The following CCDC171 variants were observed in gnomAD, a reference collection of about 807,000 sequenced individuals.
The protein encoded by CCDC171 is coiled-coil domain-containing protein 171.
In CCDC171, 177 loss-of-function variants were observed where a neutral mutation model predicts 168.2. The ratio of observed to expected loss-of-function variants is 1.05; its 90% CI spans 0.93 to 1.19. The LOEUF (loss-of-function observed/expected upper bound fraction) is 1.19. Among genes scored for constraint, CCDC171 ranks in the 50% most tolerant of loss-of-function variants. The pLI, the probability that CCDC171 is intolerant of heterozygous loss-of-function variation, is 0.00. For missense variants in CCDC171, 1,991 were observed against 1,539.0 expected, an observed-to-expected ratio of 1.29 and a Z score of -4.91; for synonymous variants, 687 against 540.8, an observed-to-expected ratio of 1.27 and a Z score of -3.75.
chr9:15,692,099 G>C (rs2050843015), intron 10 of CCDC171, among the ~76,000 whole-genome samples: 3 of 152,136 alleles, frequency 2.0e-5, no homozygotes, highest in Admixed American at 2.0e-4. Flanking sequence ...TTTTTGGTCA[G>C]GTGTGGTGGC....
At chr9:15,598,834 T>C (rs976940989) in intron 6 of CCDC171, among the ~76,000 whole-genome samples, 1 of 152,194 alleles carries the variant, frequency 6.6e-6, no homozygotes, top group Non-Finnish European at 1.5e-5. Flanking sequence ...TGGGTGCTCC[T>C]GTATTGGGTG....
chr9:15,858,626 C>T (rs2061434713), intron 23 of CCDC171, among the ~76,000 whole-genome samples: 1 of 151,934 alleles, frequency 6.6e-6, no homozygotes, highest in South Asian at 2.1e-4. Context: ...ACAAGTCTTT[C>T]ACCTCTGTTA....
chr9:16,038,660 C>T (rs2133051912), upstream of CCDC171, among the ~76,000 whole-genome samples: 1 of 151,898 alleles, frequency 6.6e-6, no homozygotes, highest in East Asian at 1.9e-4. Flanking sequence ...AAGCAAAGAT[C>T]ATATATAGCA....
intron 23 of CCDC171, among the ~76,000 whole-genome samples, chr9:15,861,153 C>T (rs955019527): frequency 5.3e-5 from 8 of 150,946 alleles, no homozygotes; most frequent in Non-Finnish European, 7.4e-5. Context: ...CAACACTTTA[C>T]TTTCAGTCTA....
chr9:15,871,833 T>C (rs1383542578), intron 23 of CCDC171, among the ~76,000 whole-genome samples: 1 of 151,844 alleles, frequency 6.6e-6, no homozygotes, highest in Non-Finnish European at 1.5e-5. Context: ...TTCTTCTCCT[T>C]TGCTGCATGA....
intron 21 of CCDC171, among the ~76,000 whole-genome samples, chr9:15,793,048 G>GAATACAC (rs1178460945): frequency 6.6e-6 from 1 of 152,142 alleles, no homozygotes; most frequent in Admixed American, 6.5e-5. Flanking sequence ...AAAGAGTGAA[G>GAATACAC]ACCCATCAGT....
intron 11 of CCDC171, among the ~76,000 whole-genome samples, chr9:15,715,997 A>G (rs1283201959): frequency 2.3e-4 from 35 of 152,218 alleles, no homozygotes; most frequent in Admixed American, 2.3e-3. Flanking sequence ...AGTGAGAGGG[A>G]GAGATCGAAA....
chr9:15,960,596 G>C (rs1366868587), intron 25 of CCDC171, among the ~76,000 whole-genome samples: 1 of 152,150 alleles, frequency 6.6e-6, no homozygotes, highest in East Asian at 1.9e-4. Context: ...TCTGGGTTGA[G>C]ACTGCTGGAA....
In CCDC171 at chr9:15,744,689, C is replaced by T. The variant is rs2055144086; in HGVS notation, c.2466C>T (p.Ala822=). The part of the protein sequence containing the change: ...NRLKILGQSC[A]SLFTWMESFK... ...TCAAGATTTTGGGCCAATCATGTGC[C>T]TCTCTTTTTACCTGGATGGAGAGTT... Residue 822 remains alanine (A), a synonymous_variant, in exon 17 of 26, where the codon GCC becomes GCT. Transcript: ENST00000380701. 1 of 1,614,016 alleles carries T rather than the reference C, an allele frequency of 6.2e-7. No homozygotes were observed. Among genetic ancestry groups the T allele is most frequent in the South Asian group, 1.1e-5 (1 of 91,086 alleles).
chr9:15,754,205 C>T (rs2055945865), intron 18 of CCDC171, among the ~76,000 whole-genome samples: 1 of 152,068 alleles, frequency 6.6e-6, no homozygotes, highest in Admixed American at 6.6e-5. Context: ...ATAACCTAAA[C>T]AGGTAAACAT....
At position 15,604,969 on chromosome 9, in the gene CCDC171, G is replaced by A. The variant is rs1248214271; in HGVS notation, c.675+10797G>A. ...GTCTCACTCTGTTGCCCATGTTGGAGTGCAGCGGGACTATCACAGCTCACT... is the reference window on the plus strand; with the variant it reads ...GTCTCACTCTGTTGCCCATGTTGGAATGCAGCGGGACTATCACAGCTCACT... On this transcript the variant is annotated intron_variant, in intron 6 of 25. Coordinates refer to ENST00000380701, the MANE Select transcript of CCDC171 (RefSeq NM_173550.4). Among the ~76,000 whole-genome samples the A allele has an allele frequency of 2.6e-5, 4 of 152,118 alleles. No individual in the cohort carries two copies. In the East Asian group the frequency reaches 5.8e-4, roughly 22 times the overall value.
intron 7 of CCDC171, 62 bp downstream of exon 7, chr9:15,623,475 G>GCACA (rs1554714957): frequency 0.036 from 11,259 of 314,194 alleles, 191 homozygotes; most frequent in Middle Eastern, 0.053. Flanking sequence ...GCGCGCGCGC[G>GCACA]CACACACACA....
rs559714122 is a variant in CCDC171 at position 15,695,312 on chromosome 9, T to C, written c.1293T>C (p.Phe431=). 1.2e-4 allele frequency: 187 copies of C among 1,614,080 alleles called. 6 individuals are homozygous for C. In the South Asian group the frequency reaches 1.9e-3, roughly 16 times the overall value. Reference sequence around the variant, plus strand: ...AATTGGAATCGATCTTGGACAGCTTTACTGTGTCGGGCCAGTGGACATCAG... The same window carrying C: ...AATTGGAATCGATCTTGGACAGCTTCACTGTGTCGGGCCAGTGGACATCAG... ...VKELESILDS[F]TVSGQWTSGI... The change falls in exon 11 of 26, where the codon TTT becomes TTC. Residue 431 remains phenylalanine (F), a synonymous_variant. Transcript: ENST00000380701.
At chr9:15,584,674 G>C (rs1269482089) in intron 4 of CCDC171, among the ~76,000 whole-genome samples, 1 of 152,144 alleles carries the variant, frequency 6.6e-6, no homozygotes, top group Non-Finnish European at 1.5e-5. Flanking sequence ...TAGAAGACAG[G>C]AAGTCAGAGT....
In CCDC171 at chr9:15,666,273, A is replaced by G. The variant is rs762266053; in HGVS notation, c.1026A>G (p.Ala342=). Residue 342 remains alanine, a synonymous_variant, in exon 9 of 26, where the codon GCA becomes GCG. Coordinates refer to ENST00000380701, the MANE Select transcript of CCDC171 (RefSeq NM_173550.4). ...ATGAATTCAAAGAAGTTGAAAGTGC[A>G]TATGAGCGAGAAAAGCATAATGCAC... The part of the protein sequence containing the change: ...IKNEFKEVES[A]YEREKHNAQE... 1.9e-5 allele frequency: 31 copies of G among 1,613,872 alleles called. No homozygotes were observed. The highest frequency in any genetic ancestry group is 2.1e-5 in the Non-Finnish European group (25 of 1,179,802).
chr9:15,810,545 CCTGTGAGGAGGCGGCTGAG>C (rs1231451102), intron 21 of CCDC171, among the ~76,000 whole-genome samples: 5 of 152,176 alleles, frequency 3.3e-5, no homozygotes, highest in African/African-American at 1.2e-4. Flanking sequence ...CGAGCCCTGT[CCTGTGAGGAGGCGGCTGAG>C]GCCCGGCGAC....
Position 15,678,860 on chromosome 9 carries a change from A to G in CCDC171, c.1179A>G (p.Glu393=). Residue 393 remains glutamate (E), a synonymous_variant, in exon 10 of 26, where the codon GAA becomes GAG. Coordinates refer to ENST00000380701, the MANE Select transcript of CCDC171 (RefSeq NM_173550.4). ...TTTCAAAGAGACTCCAGTATAATGAAAAAAGTTGCAGTGAATTACAGGAAG... is the reference window on the plus strand; with the variant it reads ...TTTCAAAGAGACTCCAGTATAATGAGAAAAGTTGCAGTGAATTACAGGAAG... ...IDLSKRLQYN[E]KSCSELQEEL... 2 of 1,592,868 alleles carry G rather than the reference A, an allele frequency of 1.3e-6. No homozygotes were observed. The highest frequency in any genetic ancestry group is 1.2e-5 in the South Asian group (1 of 85,206).
At chr9:15,560,920 A>G (rs907234025) in intron 1 of CCDC171, among the ~76,000 whole-genome samples, 3 of 151,954 alleles carry the variant, frequency 2.0e-5, no homozygotes, top group Admixed American at 2.0e-4. Context: ...TTTCATGTGG[A>G]TGTTTATTCG....
chr9:15,677,990 A>G (rs1365645363), intron 9 of CCDC171, among the ~76,000 whole-genome samples: 1 of 139,278 alleles, frequency 7.2e-6, no homozygotes, highest in Admixed American at 7.7e-5. Context: ...GCTCACTGCA[A>G]CCTTGAACTC....
Sources: gnomAD v4.1 joint callset for allele counts (sites outside exome capture counted in the v4.1 genomes callset) on GRCh38, gnomAD v4.1.1 for gene constraint, MANE v1.5 for transcripts, NCBI Gene and HGNC (gene_info 2026-07-23, HGNC 2026-07-21) for gene names.